The following ABHD15 variants were observed in gnomAD, a reference collection of about 807,000 sequenced individuals.
ABHD15 encodes abhydrolase domain containing 15.
Under a neutral mutation model 34.4 loss-of-function variants are expected in ABHD15, and 34 were observed. The ratio of observed to expected loss-of-function variants is 0.99; its 90% CI spans 0.75 to 1.32. The LOEUF (loss-of-function observed/expected upper bound fraction) is 1.32, where lower values mean the gene tolerates loss of function less well. Ranked by LOEUF, ABHD15 falls within the 40% of genes most tolerant of loss-of-function variation. The pLI is 0.00. For synonymous variants in ABHD15, 314 were observed against 299.2 expected (o/e 1.05, Z -0.51); for missense variants, 644 against 650.4 (o/e 0.99, Z 0.11).
At chr17:29,565,166 G>A (rs2032681146) in intron 1 of ABHD15, among the ~76,000 whole-genome samples, 1 of 152,052 alleles carries the variant, frequency 6.6e-6, no homozygotes, top group Non-Finnish European at 1.5e-5. Context: ...GGCTAAGGCA[G>A]GAGAATAGCT....
Position 29,566,427 on chromosome 17 carries a change from G to A in ABHD15, c.540C>T (p.Leu180=), listed in dbSNP as rs1458696783. 1.2e-6 allele frequency: 2 copies of A among 1,612,110 alleles called. No individual in the cohort carries two copies. Among genetic ancestry groups the A allele is most frequent in the East Asian group, 2.2e-5 (1 of 44,878 alleles). The change falls in exon 1 of 2, where the codon CTC becomes CTT. Residue 180 remains leucine, a synonymous_variant. Coordinates refer to ENST00000307201, the MANE Select transcript of ABHD15 (RefSeq NM_198147.3). ...CCGGGTAGTAGCCGCGCTCCAGGGCGAGCAAGCAAAGGCCGAGCACGTTGC... is the reference window on the plus strand; with the variant it reads ...CCGGGTAGTAGCCGCGCTCCAGGGCAAGCAAGCAAAGGCCGAGCACGTTGC... ...LTRNVLGLCL[L]ALERGYYPVI... is the part of the protein sequence containing the mutation.
intron 1 of ABHD15, among the ~76,000 whole-genome samples, chr17:29,564,949 T>C (rs1172448142): frequency 6.6e-6 from 1 of 151,786 alleles, no homozygotes; most frequent in East Asian, 1.9e-4. Context: ...CAGAGTAAGA[T>C]CTTGCCTCAA....
At position 29,566,998 on chromosome 17, in the gene ABHD15, G is replaced by C; in HGVS notation, c.-32C>G. 1 of 1,278,828 alleles carries C rather than the reference G, an allele frequency of 7.8e-7. No individual in the cohort carries two copies. Among genetic ancestry groups the C allele is most frequent in the Non-Finnish European group, 9.8e-7 (1 of 1,017,544 alleles). The allele number at this position is 1,278,828 out of a possible 1,614,324, so 79.2% of individuals were successfully genotyped here. A position where few individuals can be genotyped will look rare whatever the true frequency, so the allele number is the denominator to read the frequency against. ...GCTGGAGAGCCCCGGCGGGCAGCGG[G>C]CGGCGGGGCCGTCTACTCGGCGAGC... is the stretch of plus-strand genomic sequence containing the variant. On this transcript the variant is annotated 5_prime_UTR_variant, in exon 1 of 2. Transcript: ENST00000307201.
chr17:29,563,314 A>G (rs1052274971), intron 1 of ABHD15, among the ~76,000 whole-genome samples: 1 of 152,072 alleles, frequency 6.6e-6, no homozygotes, highest in Non-Finnish European at 1.5e-5. Flanking sequence ...TGGGAGGCCA[A>G]CGAGGTGGGT....
intron 1 of ABHD15, 158 bp downstream of exon 1, chr17:29,565,928 C>CTAGA: frequency 9.9e-7 from 1 of 1,010,650 alleles, no homozygotes; most frequent in African/African-American, 1.7e-5. Context: ...CCGGTTCTGT[C>CTAGA]TAGATTACAG....
rs563663528 is a variant in ABHD15, at chr17:29,562,987, G to C, written c.981C>G (p.Ser327Arg). The part of the protein sequence containing the change: ...FEEALFCHTK[S>R]FPISWDTYWD... The stretch of plus-strand genomic sequence containing the variant: ...AGTAGGTATCCCAGCTGATGGGGAA[G>C]CTTTTGGTGTGGCAGAAGAGAGCCT... Residue 327 changes from serine to arginine, a missense_variant, in exon 2 of 2, where the codon AGC becomes AGG. Transcript: ENST00000307201. The C allele has an allele frequency of 8.1e-6, 13 of 1,613,862 alleles. No individual in the cohort carries two copies. The African/African-American group carries it at 1.6e-4, about 20-fold the overall frequency.
Position 29,562,763 on chromosome 17 carries a change from G to A in ABHD15, c.1205C>T (p.Ala402Val), listed in dbSNP as rs2032644771. The A allele has an allele frequency of 6.2e-7, 1 of 1,613,874 alleles. No homozygotes were observed. Among genetic ancestry groups the A allele is most frequent in the Non-Finnish European group, 8.5e-7 (1 of 1,179,830 alleles). Reference protein sequence around the residue: ...CGFLRQEPLPAWSHEVILESF... With the variant: ...CGFLRQEPLPVWSHEVILESF... ...CTCCAAGATGACCTCATGGCTCCAG[G>A]CTGGCAAGGGCTCCTGGCGCAGGAA... Residue 402 changes from alanine to valine, a missense_variant, in exon 2 of 2, where the codon GCC becomes GTC. By Grantham distance (64) the Ala-to-Val change is moderately conservative. Transcript: ENST00000307201.
intron 1 of ABHD15, among the ~76,000 whole-genome samples, chr17:29,564,774 C>T (rs74983062): frequency 0.021 from 3,181 of 152,194 alleles, 106 homozygotes; most frequent in African/African-American, 0.073. Context: ...GTCTGGCCCC[C>T]ACATCCCAGG....
chr17:29,562,483 C>G lies in ABHD15; in HGVS notation c.*78G>C. 6.8e-7 allele frequency: 1 copy of G among 1,463,088 alleles called. No homozygotes were observed. The allele number at this position is 1,463,088 out of a possible 1,614,324, so 90.6% of individuals were successfully genotyped here. On this transcript the variant is annotated 3_prime_UTR_variant, in exon 2 of 2. Coordinates refer to ENST00000307201, the MANE Select transcript of ABHD15 (RefSeq NM_198147.3). ...GAGCTGGAGCTCCCTCTGTTCAGTCCGCCCCATCTTTCCAGGACTCCCCCT... is the reference window on the plus strand; with the variant it reads ...GAGCTGGAGCTCCCTCTGTTCAGTCGGCCCCATCTTTCCAGGACTCCCCCT...
At position 29,562,809 on chromosome 17, in the gene ABHD15, G is replaced by A. The variant is rs899069152; in HGVS notation, c.1159C>T (p.Arg387Cys). ...SNPYFFLLLS[R>C]HGGHCGFLRQ... ...AGGAAGCCACAGTGGCCTCCGTGGC[G>A]ACTGAGCAGGAGGAAGAAGTAGGGG... Residue 387 changes from arginine (R) to cysteine (C), a missense_variant, in exon 2 of 2, where the codon CGC becomes TGC. Physicochemically the swap from Arg to Cys is radical, Grantham distance 180. Coordinates refer to ENST00000307201, the MANE Select transcript of ABHD15 (RefSeq NM_198147.3). 1.1e-5 allele frequency: 17 copies of A among 1,613,290 alleles called. No homozygotes were observed. Among genetic ancestry groups the A allele is most frequent in the African/African-American group, 2.7e-5 (2 of 74,904 alleles).
At chr17:29,563,195 A>G in intron 1 of ABHD15, 109 bp from the exon 2 acceptor site, 6 of 1,294,652 alleles carry the variant, frequency 4.6e-6, no homozygotes, top group Non-Finnish European at 6.3e-6. Context: ...ATCTGTCCAC[A>G]GAGGCTTTCT....
At position 29,562,935 on chromosome 17, in the gene ABHD15, C is replaced by T; in HGVS notation, c.1033G>A (p.Val345Ile). 1 of 1,614,144 alleles carries T rather than the reference C, an allele frequency of 6.2e-7. No homozygotes were observed. Among genetic ancestry groups the T allele is most frequent in the South Asian group, 1.1e-5 (1 of 91,086 alleles). ...AGCACAGGCACGGCTGCCTCATCGA[C>T]ATCCCGGAGCGGGTCGTTGCGGTCC... The part of the protein sequence containing the change: ...YWDRNDPLRD[V>I]DEAAVPVLCI... The change falls in exon 2 of 2, where the codon GTC becomes ATC. Residue 345 changes from valine (V) to isoleucine (I), a missense_variant. By Grantham distance (29) the Val-to-Ile change is conservative. Transcript: ENST00000307201.
intron 1 of ABHD15, 33 bp from the exon 2 acceptor site, chr17:29,563,119 A>G (rs200320070): frequency 9.5e-6 from 15 of 1,572,162 alleles, no homozygotes; most frequent in Non-Finnish European, 1.3e-5. Context: ...GGAAGGTGGG[A>G]AAGAGAGGGA....
chr17:29,563,260 G>A (rs1567756837), intron 1 of ABHD15, among the ~76,000 whole-genome samples, 174 bp from the exon 2 acceptor site: 1 of 152,090 alleles, frequency 6.6e-6, no homozygotes. Context: ...TTTAAAACCA[G>A]ATAAGGCTGG....
At chr17:29,565,112 G>C (rs1296149600) in intron 1 of ABHD15, among the ~76,000 whole-genome samples, 1 of 152,008 alleles carries the variant, frequency 6.6e-6, no homozygotes, top group African/African-American at 2.4e-5. Context: ...TTAAAAATTA[G>C]CTGGGTGTGG....
chr17:29,566,849 C>T lies in ABHD15; in HGVS notation c.118G>A (p.Gly40Arg). Reference sequence around the variant, plus strand: ...TCCCCGTCGTCTCGGTCTTGGGCCCCCGGCAGGGTCCTCTCTCCGACGGCG... The same window carrying T: ...TCCCCGTCGTCTCGGTCTTGGGCCCTCGGCAGGGTCCTCTCTCCGACGGCG... ...GRAVGERTLP[G>R]AQDRDDGEEA... Residue 40 changes from glycine (G) to arginine (R), a missense_variant, in exon 1 of 2, where the codon GGG becomes AGG. Gly to Arg is a moderately radical substitution (Grantham distance 125). Transcript: ENST00000307201. The T allele has an allele frequency of 6.6e-7, 1 of 1,512,526 alleles. No individual in the cohort carries two copies. The highest frequency in any genetic ancestry group is 8.8e-7 in the Non-Finnish European group (1 of 1,138,646). The allele number at this position is 1,512,526 out of a possible 1,614,324, so 93.7% of individuals were successfully genotyped here. A position where few individuals can be genotyped will look rare whatever the true frequency, so the allele number is the denominator to read the frequency against.
At chr17:29,565,743 G>T (rs1319051725) in intron 1 of ABHD15, among the ~76,000 whole-genome samples, 1 of 152,232 alleles carries the variant, frequency 6.6e-6, no homozygotes, top group Non-Finnish European at 1.5e-5. Flanking sequence ...TTGCTGAGCT[G>T]TTAAGCTGTG....
chr17:29,566,940 C>A lies in ABHD15; in HGVS notation c.27G>T (p.Ala9=), dbSNP rs1021673721. The change falls in exon 1 of 2, where the codon GCG becomes GCT. Residue 9 remains alanine (A), a synonymous_variant. Transcript: ENST00000307201. The stretch of plus-strand genomic sequence containing the variant: ...GAAGGGCGAGCACGGCCAAGATGAG[C>A]GCGAGGGCGGCGCCCCACGGCGGCA... MPPWGAAL[A]LILAVLALLG... 7.7e-6 allele frequency: 11 copies of A among 1,426,468 alleles called. No individual in the cohort carries two copies. The African/African-American group carries it at 1.5e-4, about 19-fold the overall frequency. 88.4% of individuals were successfully genotyped at this position (1,426,468 alleles called of 1,614,324 possible).
At chr17:29,564,044 C>T (rs2032668696) in intron 1 of ABHD15, among the ~76,000 whole-genome samples, 1 of 152,212 alleles carries the variant, frequency 6.6e-6, no homozygotes, top group East Asian at 1.9e-4. Context: ...CACAGCATCA[C>T]TGCACCTGTC....
Sources: gnomAD v4.1 joint callset for allele counts (sites outside exome capture counted in the v4.1 genomes callset) on GRCh38, gnomAD v4.1.1 for gene constraint, MANE v1.5 for transcripts, NCBI Gene and HGNC (gene_info 2026-07-23, HGNC 2026-07-21) for gene names.